The following OSBPL9 variants were observed in gnomAD, a reference collection of about 807,000 sequenced individuals.
OSBPL9 encodes the protein oxysterol-binding protein-related protein 9.
A neutral mutation model predicts 106.6 loss-of-function variants in OSBPL9; 40 were observed. That is an observed-to-expected ratio of 0.38 (90% CI 0.29 to 0.49). The LOEUF (loss-of-function observed/expected upper bound fraction) is 0.49, where lower values mean the gene tolerates loss of function less well. Among genes scored for constraint, OSBPL9 ranks in the 20% least tolerant of loss-of-function variants. The pLI, the probability that OSBPL9 is intolerant of heterozygous loss-of-function variation, is 0.97. For synonymous variants in OSBPL9, 269 were observed against 295.4 expected (o/e 0.91, Z 0.92); for missense variants, 609 against 887.2 (o/e 0.69, Z 3.98).
At chr1:51,519,702 T>C in the OSBPL9 span, among the ~76,000 whole-genome samples, 1 of 152,186 alleles carries the variant, frequency 6.6e-6, no homozygotes, top group Non-Finnish European at 1.5e-5. Context: ...TATGCCAGGC[T>C]CTGTACTAGA....
At chr1:51,733,469 A>C (rs1402974554) in intron 4 of OSBPL9, among the ~76,000 whole-genome samples, 1 of 152,160 alleles carries the variant, frequency 6.6e-6, no homozygotes, top group African/African-American at 2.4e-5. Flanking sequence ...AAATGTTTAG[A>C]AACAGTGCTA....
rs913248258 is a variant in OSBPL9 at position 51,760,582 on chromosome 1, CTA to C, written c.583-103_583-102del. The C allele has an allele frequency of 4.6e-6, 7 of 1,507,136 alleles. No individual in the cohort carries two copies. In the African/African-American group the frequency reaches 9.8e-5, roughly 21 times the overall value. The allele number at this position is 1,507,136 out of a possible 1,614,324, so 93.4% of individuals were successfully genotyped here. On this transcript the variant is annotated intron_variant, in intron 9 of 23. Transcript: ENST00000428468. ...CCTCTTTTCATTTTGATCAACATAT[CTA>C]TATAGCTACCCTCAGGATTTTGAAG...
intron 4 of OSBPL9, among the ~76,000 whole-genome samples, chr1:51,726,874 A>G (rs1055004200): frequency 5.9e-5 from 9 of 152,194 alleles, no homozygotes; most frequent in Non-Finnish European, 1.2e-4. Flanking sequence ...CAAGATGGGT[A>G]AATTTGCTTT....
chr1:51,563,978 C>A, the OSBPL9 span, among the ~76,000 whole-genome samples: 2 of 126,020 alleles, frequency 1.6e-5, no homozygotes, highest in South Asian at 5.5e-4. Flanking sequence ...GGATCTGAGC[C>A]CAGGAGGCAG....
intron 14 of OSBPL9, 80 bp downstream of exon 14, chr1:51,772,803 A>G (rs1053564061): frequency 1.5e-5 from 14 of 953,826 alleles, no homozygotes; most frequent in Non-Finnish European, 2.1e-5. Flanking sequence ...CTGCAAATGT[A>G]GTAAAATGAC....
intron 1 of OSBPL9, among the ~76,000 whole-genome samples, chr1:51,641,705 T>G (rs1017027050): frequency 2.6e-5 from 4 of 152,192 alleles, no homozygotes; most frequent in African/African-American, 9.7e-5. Context: ...CTTACAAATG[T>G]GTTGATTATA....
chr1:51,687,720 GAGA>G (rs1475536940), intron 3 of OSBPL9, among the ~76,000 whole-genome samples: 1 of 152,212 alleles, frequency 6.6e-6, no homozygotes, highest in Non-Finnish European at 1.5e-5. Flanking sequence ...GGGAGGTGAG[GAGA>G]AGGAGGCTTG....
upstream of OSBPL9, among the ~76,000 whole-genome samples, chr1:51,616,526 T>G (rs1644062880): frequency 6.6e-6 from 1 of 152,214 alleles, no homozygotes; most frequent in Non-Finnish European, 1.5e-5. Context: ...AAAGTTACCT[T>G]TTCACTCAGG....
Position 51,753,606 on chromosome 1 carries a change from C to T in OSBPL9, c.544-2714C>T, listed in dbSNP as rs748684207. Among the ~76,000 whole-genome samples the T allele has an allele frequency of 5.3e-5, 8 of 152,212 alleles. No homozygotes were observed. The South Asian group carries it at 6.2e-4, about 12-fold the overall frequency. The stretch of plus-strand genomic sequence containing the variant: ...TCAACTACTTTGAGGGAGATAATGC[C>T]ATTTGAGACCCCACAGTGATATGAG... On this transcript the variant is annotated intron_variant, in intron 8 of 23. Coordinates refer to ENST00000428468, the MANE Select transcript of OSBPL9 (RefSeq NM_024586.6).
At chr1:51,777,870 A>G (rs1675429502) in intron 15 of OSBPL9, among the ~76,000 whole-genome samples, 1 of 152,182 alleles carries the variant, frequency 6.6e-6, no homozygotes, top group African/African-American at 2.4e-5. Context: ...AACTATTTAC[A>G]GGCCAGTTGC....
chr1:51,596,984 T>C (rs59196483), intron 1 of OSBPL9, among the ~76,000 whole-genome samples: 19,787 of 152,046 alleles, frequency 0.13, 1,367 homozygotes, highest in African/African-American at 0.17. Context: ...AAAGCTTTCA[T>C]GCTGGGAGAG....
At chr1:51,741,548 A>C (rs1339413503) in intron 4 of OSBPL9, among the ~76,000 whole-genome samples, 22 of 128,714 alleles carry the variant, frequency 1.7e-4, no homozygotes, top group African/African-American at 2.6e-4. Flanking sequence ...TCCCTCCCCC[A>C]ACCTCTCTTT....
At chr1:51,717,719 G>T (rs1316022664) in intron 4 of OSBPL9, among the ~76,000 whole-genome samples, 1 of 151,314 alleles carries the variant, frequency 6.6e-6, no homozygotes, top group African/African-American at 2.4e-5. Flanking sequence ...CAAAGTACTG[G>T]TGAGGATGTG....
chr1:51,571,660 C>T, the OSBPL9 span, among the ~76,000 whole-genome samples: 2 of 152,110 alleles, frequency 1.3e-5, no homozygotes, highest in African/African-American at 2.4e-5. Context: ...GAGCAAGACC[C>T]TGTCTTAATC....
At chr1:51,631,669 A>C (rs1448122163) in intron 1 of OSBPL9, among the ~76,000 whole-genome samples, 2 of 152,192 alleles carry the variant, frequency 1.3e-5, no homozygotes, top group African/African-American at 2.4e-5. Context: ...AGGCTCCTCT[A>C]ATCTCCTAGC....
At chr1:51,595,593 G>A (rs1279638322) in intron 1 of OSBPL9, among the ~76,000 whole-genome samples, 1 of 152,092 alleles carries the variant, frequency 6.6e-6, no homozygotes, top group African/African-American at 2.4e-5. Flanking sequence ...AAGACCATGG[G>A]CAAAGGCCAG....
intron 21 of OSBPL9, 108 bp downstream of exon 21, chr1:51,785,994 A>T: frequency 1.1e-6 from 1 of 948,256 alleles, no homozygotes; most frequent in South Asian, 1.4e-5. Flanking sequence ...TTCCTTCTAC[A>T]GTATATTAGA....
intron 4 of OSBPL9, 147 bp downstream of exon 4, chr1:51,714,226 T>C: frequency 7.1e-6 from 4 of 565,328 alleles, no homozygotes; most frequent in East Asian, 3.0e-5. Context: ...TTTACAGTTA[T>C]AGTAAAGTTA....
chr1:51,691,563 G>C (rs1654971499), intron 3 of OSBPL9, among the ~76,000 whole-genome samples: 1 of 151,578 alleles, frequency 6.6e-6, no homozygotes, highest in South Asian at 2.1e-4. Context: ...TGGGATTACA[G>C]GCTTGAGCCA....
Sources: allele counts gnomAD v4.1 joint callset (sites outside exome capture counted in the v4.1 genomes callset), GRCh38; gene constraint gnomAD v4.1.1; transcripts MANE v1.5; gene names NCBI Gene and HGNC (gene_info 2026-07-23, HGNC 2026-07-21).